The following HACE1 variants were observed in gnomAD, a reference collection of about 807,000 sequenced individuals.
The protein encoded by HACE1 is HECT domain and ankyrin repeat containing E3 ubiquitin protein ligase 1.
HACE1 carries 73 observed loss-of-function variants against 118.4 expected under a neutral mutation model. The ratio of observed to expected loss-of-function variants is 0.62; its 90% CI spans 0.51 to 0.75. HACE1 has a LOEUF of 0.75. Ranked by LOEUF, HACE1 falls within the 30% of genes least tolerant of loss-of-function variation. The pLI is 0.00. For synonymous variants in HACE1, 368 were observed against 374.8 expected, an observed-to-expected ratio of 0.98 and a Z score of 0.21; for missense variants, 749 against 1,102.2, an observed-to-expected ratio of 0.68 and a Z score of 4.54.
rs1165129792 is a variant in HACE1 at position 104,826,528 on chromosome 6, C to CA, written c.534+6513dup. On this transcript the variant is annotated intron_variant, in intron 6 of 23. Transcript: ENST00000262903. ...GCACTGATCTATAAGCCATGAAGTC[C>CA]AAAAAACCTAACAATTGTGATTTAC... Among the ~76,000 whole-genome samples the CA allele has an allele frequency of 2.0e-5, 3 of 152,236 alleles. No homozygotes were observed. In the East Asian group the frequency reaches 5.8e-4, roughly 29 times the overall value.
At chr6:104,809,311 G>C (rs930807580) in intron 7 of HACE1, among the ~76,000 whole-genome samples, 2 of 152,108 alleles carry the variant, frequency 1.3e-5, no homozygotes, top group African/African-American at 4.8e-5. Flanking sequence ...GTGATACTGC[G>C]ATCAAAAATC....
intron 5 of HACE1, among the ~76,000 whole-genome samples, chr6:104,840,250 A>C (rs6927608): frequency 0.11 from 16,814 of 152,248 alleles, 972 homozygotes; most frequent in Admixed American, 0.15. Flanking sequence ...TTATGCAAGA[A>C]AGGAAAGCAA....
intron 1 of HACE1, among the ~76,000 whole-genome samples, chr6:104,859,205 C>G (rs1393828800): frequency 6.6e-6 from 1 of 152,104 alleles, no homozygotes; most frequent in African/African-American, 2.4e-5. Flanking sequence ...CTATCCCCAG[C>G]TACTGTTAAA....
chr6:104,858,501 A>T, intron 1 of HACE1: 2 of 397,974 alleles, frequency 5.0e-6, no homozygotes, highest in South Asian at 3.7e-5. Context: ...GGAGTTCAAG[A>T]CCAGCCTGGG....
At chr6:104,782,524 G>T (rs752238930) in intron 14 of HACE1, 12 of 152,156 alleles carry the variant, frequency 7.9e-5, no homozygotes, top group African/African-American at 2.4e-4. Flanking sequence ...AATTGAACTT[G>T]AGAACCAGAC....
intron 11 of HACE1, among the ~76,000 whole-genome samples, chr6:104,788,789 G>A (rs998359799): frequency 1.3e-5 from 2 of 152,044 alleles, no homozygotes; most frequent in Admixed American, 1.3e-4. Flanking sequence ...CAAGGCACTA[G>A]ATAAACATCT....
intron 11 of HACE1, among the ~76,000 whole-genome samples, chr6:104,787,654 G>A (rs1455134134): frequency 6.6e-6 from 1 of 152,118 alleles, no homozygotes; most frequent in African/African-American, 2.4e-5. Context: ...AGGAGGTAAG[G>A]CCTAACGCAA....
At chr6:104,770,306 A>T (rs1203870004) in intron 19 of HACE1, among the ~76,000 whole-genome samples, 1 of 152,224 alleles carries the variant, frequency 6.6e-6, no homozygotes, top group African/African-American at 2.4e-5. Flanking sequence ...AATACCTCAT[A>T]TAACATATTA....
chr6:104,744,666 T>C (rs1031340520), intron 20 of HACE1, 56 bp from the exon 21 acceptor site: 6 of 994,426 alleles, frequency 6.0e-6, no homozygotes, highest in Admixed American at 5.3e-5. Flanking sequence ...AAAGTTATTA[T>C]ATTTAAGTGG....
intron 20 of HACE1, 111 bp from the exon 21 acceptor site, chr6:104,744,721 A>AATAT: frequency 1.3e-5 from 9 of 692,976 alleles, no homozygotes; most frequent in Non-Finnish European, 2.6e-6. Context: ...AAACTGATAT[A>AATAT]TTTTTGTGAC....
Position 104,815,528 on chromosome 6 carries a change from A to G in HACE1, c.535-4135T>C, listed in dbSNP as rs139757180. Among the ~76,000 whole-genome samples the G allele has an allele frequency of 8.8e-3, 1,197 of 135,652 alleles. 288 individuals carry two copies. Among genetic ancestry groups the G allele is most frequent in the African/African-American group, 0.035 (1,160 of 33,548 alleles). 89.0% of individuals were successfully genotyped at this position (135,652 alleles called of 152,430 possible). On this transcript the variant is annotated intron_variant, in intron 6 of 23. Transcript: ENST00000262903. ...AGGCGTGCGCCACCACACCCAGCTA[A>G]TTTTTTCTGTTTTTAGTAGAGATGG...
intron 20 of HACE1, among the ~76,000 whole-genome samples, chr6:104,745,455 C>CTTTTTTTTTTTTTTTTTTT (rs370049285): frequency 7.6e-6 from 1 of 131,980 alleles, no homozygotes; most frequent in Non-Finnish European, 1.6e-5. Context: ...TCAGGATTTC[C>CTTTTTTTTTTTTTTTTTTT]TTTTTTTTTG....
intron 6 of HACE1, among the ~76,000 whole-genome samples, chr6:104,830,380 G>A (rs1773737214): frequency 6.6e-6 from 1 of 152,240 alleles, no homozygotes; most frequent in African/African-American, 2.4e-5. Context: ...TTGGTTTTCA[G>A]ATGATAAAAG....
chr6:104,831,918 A>AGAGAAGAGAAGAGAAG (rs1554258929), intron 6 of HACE1, among the ~76,000 whole-genome samples: 1 of 62,830 alleles, frequency 1.6e-5, no homozygotes, highest in Non-Finnish European at 3.8e-5. Context: ...AGAAAAGAGA[A>AGAGAAGAGAAGAGAAG]AGAAGAGAAG....
intron 22 of HACE1, among the ~76,000 whole-genome samples, chr6:104,734,374 CTAAATA>C (rs1302976072): frequency 2.6e-5 from 4 of 151,726 alleles, no homozygotes; most frequent in Non-Finnish European, 5.9e-5. Flanking sequence ...ACTTCAGTAT[CTAAATA>C]TAAACTAATA....
intron 22 of HACE1, chr6:104,731,518 A>T (rs1192879864): frequency 6.6e-6 from 1 of 152,074 alleles, no homozygotes; most frequent in Non-Finnish European, 1.5e-5. Flanking sequence ...AAGAAAAGAG[A>T]CATATGAACC....
chr6:104,849,277 C>T, intron 3 of HACE1, 31 bp from the exon 4 acceptor site: 1 of 1,183,784 alleles, frequency 8.4e-7, no homozygotes. Context: ...AGTTCAGATA[C>T]ATTCAACATA....
intron 8 of HACE1, 67 bp from the exon 9 acceptor site, chr6:104,796,823 C>A: frequency 9.0e-7 from 1 of 1,114,986 alleles, no homozygotes; most frequent in Non-Finnish European, 1.4e-6. Flanking sequence ...ATTCTTCACA[C>A]AATAAAAATC....
At chr6:104,756,440 T>TAC in intron 19 of HACE1, among the ~76,000 whole-genome samples, 1 of 145,410 alleles carries the variant, frequency 6.9e-6, no homozygotes, top group African/African-American at 2.5e-5. Flanking sequence ...TATATATATA[T>TAC]ATATATACAC....
Sources: allele counts gnomAD v4.1 joint callset (sites outside exome capture counted in the v4.1 genomes callset), GRCh38; gene constraint gnomAD v4.1.1; transcripts MANE v1.5; gene names NCBI Gene and HGNC (gene_info 2026-07-23, HGNC 2026-07-21).